DGKZ: variants seen among roughly 807,000 people sequenced by gnomAD.
DGKZ encodes the protein diacylglycerol kinase zeta, also known as DAG kinase zeta.
A neutral mutation model predicts 142.5 loss-of-function variants in DGKZ; 45 were observed. The observed-to-expected ratio is 0.32, with a 90% CI of 0.25 to 0.40. The LOEUF is 0.40. Among genes scored for constraint, DGKZ ranks in the 10% least tolerant of loss-of-function variants. The pLI is 1.00. For missense variants in DGKZ, 755 were observed against 1,306.5 expected (o/e 0.58, Z 6.51); for synonymous variants, 442 against 527.0 (o/e 0.84, Z 2.21).
At chr11:46,359,924 G>A (rs889716976) in intron 1 of DGKZ, among the ~76,000 whole-genome samples, 1 of 151,990 alleles carries the variant, frequency 6.6e-6, no homozygotes, top group Admixed American at 6.6e-5. Flanking sequence ...GGCCTGATAC[G>A]GTTTTAGATT....
At chr11:46,378,925 C>G (rs1337397502) in intron 27 of DGKZ, 66 bp from the exon 28 acceptor site, 2 of 1,496,570 alleles carry the variant, frequency 1.3e-6, no homozygotes, top group African/African-American at 2.8e-5. Flanking sequence ...TGTGGGCCAG[C>G]GTGTGAGCTC....
At chr11:46,336,534 C>G (rs574252497) in intron 1 of DGKZ, among the ~76,000 whole-genome samples, 1 of 152,118 alleles carries the variant, frequency 6.6e-6, no homozygotes, top group Admixed American at 6.5e-5. Flanking sequence ...TTGGGACCAG[C>G]CTGAGTGACA....
chr11:46,341,918 A>G (rs1243298017), intron 1 of DGKZ, among the ~76,000 whole-genome samples: 2 of 152,194 alleles, frequency 1.3e-5, no homozygotes, highest in African/African-American at 4.8e-5. Flanking sequence ...AAAGAGGCGG[A>G]AAAGCAAGAA....
intron 1 of DGKZ, among the ~76,000 whole-genome samples, chr11:46,335,592 G>T (rs1403517337): frequency 6.6e-6 from 1 of 152,204 alleles, no homozygotes; most frequent in African/African-American, 2.4e-5. Context: ...CTGCCTCCAG[G>T]TTACCTGTGT....
intron 1 of DGKZ, among the ~76,000 whole-genome samples, chr11:46,350,606 A>G (rs1941254228): frequency 6.7e-6 from 1 of 149,264 alleles, no homozygotes; most frequent in South Asian, 2.2e-4. Flanking sequence ...AGCCAGGTGG[A>G]GAATTCTGCA....
At chr11:46,378,601 T>C in intron 27 of DGKZ, 101 bp downstream of exon 27, 3 of 1,476,812 alleles carry the variant, frequency 2.0e-6, no homozygotes, top group African/African-American at 1.4e-5. Context: ...TCAGGTGCTG[T>C]CATCTGTCAT....
At chr11:46,374,578 A>T in intron 16 of DGKZ, 26 bp from the exon 17 acceptor site, 1 of 1,594,644 alleles carries the variant, frequency 6.3e-7, no homozygotes, top group Non-Finnish European at 8.6e-7. Flanking sequence ...CTGTCAGCAG[A>T]TGGTGACGCC....
chr11:46,352,553 C>T (rs1004548964), intron 1 of DGKZ, among the ~76,000 whole-genome samples: 5 of 152,332 alleles, frequency 3.3e-5, no homozygotes, highest in South Asian at 2.1e-4. Flanking sequence ...CGCAGCTAGC[C>T]GGGGTCATCT....
chr11:46,376,794 C>T, intron 24 of DGKZ: 1 of 679,456 alleles, frequency 1.5e-6, no homozygotes, highest in Non-Finnish European at 2.5e-6. Context: ...CAAAGGCTTG[C>T]TGGGTGGGTA....
chr11:46,354,244 T>C (rs2136417359), intron 1 of DGKZ, among the ~76,000 whole-genome samples: 1 of 152,336 alleles, frequency 6.6e-6, no homozygotes, highest in Middle Eastern at 3.4e-3. Context: ...TGGAGTGCAG[T>C]GGCACAATCA....
chr11:46,368,196 G>A (rs1265560910), intron 4 of DGKZ, 117 bp downstream of exon 4: 5 of 1,101,276 alleles, frequency 4.5e-6, no homozygotes, highest in Non-Finnish European at 6.8e-6. Flanking sequence ...CAGCACTCGG[G>A]GGTGAAGAGT....
At chr11:46,368,508 G>A (rs1363555136) in intron 4 of DGKZ, 2 of 346,102 alleles carry the variant, frequency 5.8e-6, no homozygotes, top group African/African-American at 2.1e-5. Flanking sequence ...TCTGGGCACT[G>A]TGCTTCTAGA....
chr11:46,345,412 G>A, upstream of DGKZ: 1 of 1,436,096 alleles, frequency 7.0e-7, no homozygotes, highest in South Asian at 1.4e-5. The surrounding 1 kb of genome is among the most constrained non-coding windows in gnomAD (Gnocchi z 4.1). Flanking sequence ...CGGGCAGGAT[G>A]AGCGCACCGG....
At chr11:46,350,482 A>G (rs1941227488) in intron 1 of DGKZ, among the ~76,000 whole-genome samples, 2 of 151,628 alleles carry the variant, frequency 1.3e-5, no homozygotes, top group East Asian at 1.9e-4. Flanking sequence ...CATCCACCCC[A>G]TGTCCCCCAT....
In DGKZ at chr11:46,372,373, C is replaced by T. The variant is rs1477289666; in HGVS notation, c.928-55C>T. On this transcript the variant is annotated intron_variant, in intron 10 of 30. Coordinates refer to ENST00000527911, the Ensembl canonical transcript of DGKZ. The surrounding 1 kb of genome is among the most constrained non-coding windows in gnomAD (Gnocchi z 5.9). ...CAGTCACACCCCTCTCCCTCTGCTG[C>T]TCCCACTTCGTCCCACCACTGCCTG... 1.9e-6 allele frequency: 3 copies of T among 1,583,912 alleles called. No homozygotes were observed. The highest frequency in any genetic ancestry group is 2.7e-5 in the African/African-American group (2 of 74,228).
At chr11:46,373,993 GGCTGTGCCTGACAGCGGGTGA>G (rs1279437139) in intron 14 of DGKZ, among the ~76,000 whole-genome samples, 143 bp from the exon 15 acceptor site, 1 of 152,224 alleles carries the variant, frequency 6.6e-6, no homozygotes, top group Non-Finnish European at 1.5e-5. Context: ...GGCAGAGCAG[GGCTGTGCCTGACAGCGGGTGA>G]GCTGGGCTGA....
chr11:46,365,939 C>G, intron 1 of DGKZ: 1 of 985,376 alleles, frequency 1.0e-6, no homozygotes, highest in Non-Finnish European at 1.2e-6. Flanking sequence ...GAAGGGGTAG[C>G]CTGAAGCACC....
intron 6 of DGKZ, among the ~76,000 whole-genome samples, chr11:46,370,764 C>T (rs1384251964): frequency 7.9e-5 from 12 of 152,124 alleles, no homozygotes; most frequent in African/African-American, 2.7e-4. Flanking sequence ...TCAGGCTTAT[C>T]TTATACATAT....
chr11:46,349,037 C>T (rs1941036218), intron 1 of DGKZ, among the ~76,000 whole-genome samples: 1 of 152,224 alleles, frequency 6.6e-6, no homozygotes, highest in East Asian at 1.9e-4. Context: ...GCGGTTTTCT[C>T]CTGTCGTGTG....
Sources: gnomAD v4.1 joint callset for allele counts (sites outside exome capture counted in the v4.1 genomes callset) on GRCh38, gnomAD v4.1.1 for gene constraint, Gnocchi (gnomAD v3.1) non-coding constraint, MANE v1.5 for transcripts, NCBI Gene and HGNC (gene_info 2026-07-23, HGNC 2026-07-21) for gene names.